ARL15: variants seen among roughly 807,000 people sequenced by gnomAD.
The protein encoded by ARL15 is ARF like GTPase 15, also known as ADP-ribosylation factor-like protein 15.
Under a neutral mutation model 25.2 loss-of-function variants are expected in ARL15, and 19 were observed. The ratio of observed to expected loss-of-function variants is 0.75; its 90% CI spans 0.53 to 1.10. The LOEUF is 1.10. ARL15 is among the 50% of genes least tolerant of loss of function. ARL15 has a pLI of 0.00. For synonymous variants in ARL15, 94 were observed against 86.8 expected, an observed-to-expected ratio of 1.08 and a Z score of -0.46; for missense variants, 220 against 246.0, an observed-to-expected ratio of 0.89 and a Z score of 0.71.
At chr5:54,140,802 T>C (rs1165293461) in intron 3 of ARL15, among the ~76,000 whole-genome samples, 4 of 152,184 alleles carry the variant, frequency 2.6e-5, no homozygotes, top group African/African-American at 7.2e-5. Flanking sequence ...TGAAGATGAT[T>C]TGAAACTGCA....
intron 4 of ARL15, among the ~76,000 whole-genome samples, chr5:53,909,648 G>T (rs1268750871): frequency 1.3e-5 from 2 of 152,224 alleles, no homozygotes; most frequent in African/African-American, 4.8e-5. Flanking sequence ...GGAGGCTGTG[G>T]TGAGCCAAAA....
chr5:53,979,908 T>C (rs1748067381), intron 4 of ARL15, among the ~76,000 whole-genome samples: 2 of 151,776 alleles, frequency 1.3e-5, no homozygotes, highest in Admixed American at 6.6e-5. Context: ...TTTCACCATG[T>C]TGGCCAAACT....
intron 3 of ARL15, among the ~76,000 whole-genome samples, chr5:54,150,613 C>A (rs1465588940): frequency 6.6e-6 from 1 of 152,060 alleles, no homozygotes; most frequent in Non-Finnish European, 1.5e-5. Context: ...GCCTGGCCAA[C>A]ATGGCGAAAC....
At chr5:53,936,721 T>G (rs1746358647) in intron 4 of ARL15, among the ~76,000 whole-genome samples, 3 of 152,218 alleles carry the variant, frequency 2.0e-5, no homozygotes, top group Admixed American at 1.3e-4. Context: ...ACTATCCAGT[T>G]TTCTCATTTT....
chr5:54,063,728 G>C (rs1751134513), intron 4 of ARL15, among the ~76,000 whole-genome samples: 1 of 152,102 alleles, frequency 6.6e-6, no homozygotes, highest in Admixed American at 6.5e-5. Context: ...GCTACATCTT[G>C]TTTTTATCTC....
At position 54,195,179 on chromosome 5, in the gene ARL15, C is replaced by T. The variant is rs533666787; in HGVS notation, c.49-23251G>A. Among the ~76,000 whole-genome samples, 8 of 152,230 alleles carry T rather than the reference C, an allele frequency of 5.3e-5. No individual in the cohort carries two copies. The South Asian group carries it at 1.2e-3, about 24-fold the overall frequency. On this transcript the variant is annotated intron_variant, in intron 1 of 4. Transcript: ENST00000504924. ...ATACTTAGTTAATGTTGCTAATGTA[C>T]TATGTACTTCACTATGTACAAGCCA...
intron 1 of ARL15, among the ~76,000 whole-genome samples, chr5:54,253,786 C>T (rs896445533): frequency 3.3e-5 from 5 of 152,010 alleles, no homozygotes; most frequent in Non-Finnish European, 7.4e-5. Flanking sequence ...AGACAGGATT[C>T]GTCATCTTGC....
intron 3 of ARL15, among the ~76,000 whole-genome samples, chr5:54,141,492 A>T (rs893357811): frequency 6.6e-6 from 1 of 152,156 alleles, no homozygotes; most frequent in East Asian, 1.9e-4. Context: ...GATAATTAAG[A>T]GTATCTTTTA....
rs533485398 is a variant in ARL15, at chr5:54,208,820, A to G, written c.49-36892T>C. On this transcript the variant is annotated intron_variant, in intron 1 of 4. Coordinates refer to ENST00000504924, the MANE Select transcript of ARL15 (RefSeq NM_019087.3). ...ATTCAGGGGGCCCCCCAGTGACGAC[A>G]GCCATGCAGCAGGGCTGGTCAACAA... 3.0e-4 allele frequency among the ~76,000 whole-genome samples: 45 copies of G among 152,336 alleles called. No homozygotes were observed. In the South Asian group the frequency reaches 9.1e-3, roughly 31 times the overall value.
chr5:53,966,366 C>T (rs1370289281), intron 4 of ARL15, among the ~76,000 whole-genome samples: 5 of 152,192 alleles, frequency 3.3e-5, no homozygotes, highest in Admixed American at 6.5e-5. Context: ...CTATGCATCT[C>T]TTCATCCGTA....
chr5:53,998,854 C>A (rs1315617604), intron 4 of ARL15, among the ~76,000 whole-genome samples: 1 of 152,238 alleles, frequency 6.6e-6, no homozygotes, highest in East Asian at 1.9e-4. Flanking sequence ...AGAACCAGGG[C>A]AACACCAACC....
intron 3 of ARL15, among the ~76,000 whole-genome samples, chr5:54,129,868 G>C (rs562946298): frequency 1.3e-5 from 2 of 152,058 alleles, no homozygotes; most frequent in Admixed American, 6.6e-5. Flanking sequence ...TTAAAACATA[G>C]CCAAAGTACC....
intron 4 of ARL15, among the ~76,000 whole-genome samples, chr5:54,103,438 G>A (rs1360928787): frequency 1.3e-5 from 2 of 151,888 alleles, no homozygotes; most frequent in East Asian, 1.9e-4. Flanking sequence ...ATCAATCCTC[G>A]AAGTGGTAAT....
intron 1 of ARL15, among the ~76,000 whole-genome samples, chr5:54,266,943 AC>A (rs2112634813): frequency 6.6e-6 from 1 of 152,362 alleles, no homozygotes; most frequent in African/African-American, 2.4e-5. Flanking sequence ...TTTCAGGCAG[AC>A]AAAAAGTAAT....
At chr5:54,121,471 T>A (rs115939265) in intron 3 of ARL15, among the ~76,000 whole-genome samples, 2,041 of 152,222 alleles carry the variant, frequency 0.013, 21 homozygotes, top group Middle Eastern at 0.024. Context: ...GGAGGTGACA[T>A]CAATGTTTAA....
At chr5:54,206,449 G>A (rs1755870676) in intron 1 of ARL15, among the ~76,000 whole-genome samples, 1 of 152,176 alleles carries the variant, frequency 6.6e-6, no homozygotes, top group South Asian at 2.1e-4. Flanking sequence ...GAAGCACTAT[G>A]AAGGGAAAGA....
At chr5:54,105,568 A>C (rs1752563343) in intron 4 of ARL15, among the ~76,000 whole-genome samples, 1 of 152,146 alleles carries the variant, frequency 6.6e-6, no homozygotes. Context: ...TTTATTAATT[A>C]AAAGGCTACA....
intron 1 of ARL15, among the ~76,000 whole-genome samples, chr5:54,241,223 G>C (rs1163616772): frequency 6.6e-6 from 1 of 151,884 alleles, no homozygotes; most frequent in African/African-American, 2.4e-5. Context: ...ACCAGTACCA[G>C]AATTATATTT....
At chr5:54,026,226 T>C (rs1230001917) in intron 4 of ARL15, among the ~76,000 whole-genome samples, 2 of 152,186 alleles carry the variant, frequency 1.3e-5, no homozygotes, top group Admixed American at 6.5e-5. Flanking sequence ...TCAAAGTCTA[T>C]CTTATAATCT....
Sources: gnomAD v4.1 joint callset for allele counts (sites outside exome capture counted in the v4.1 genomes callset) on GRCh38, gnomAD v4.1.1 for gene constraint, MANE v1.5 for transcripts, NCBI Gene and HGNC (gene_info 2026-07-23, HGNC 2026-07-21) for gene names.